AKR1C8: variants seen among roughly 807,000 people sequenced by gnomAD.
The protein encoded by AKR1C8 is aldo-keto reductase family 1 member C8, also known as aldo-keto reductase family 1 member C-like protein 1.
At chr10:5,162,800 A>C in the AKR1C8 span, 16 of 436,048 alleles carry the variant, frequency 3.7e-5, no homozygotes, top group Middle Eastern at 4.7e-3. Context: ...ATTTCAAAAT[A>C]ATATATCTGA....
the AKR1C8 span, among the ~76,000 whole-genome samples, chr10:5,178,698 G>C: frequency 0.79 from 119,576 of 152,082 alleles, 47,142 homozygotes; most frequent in African/African-American, 0.83. Context: ...GGATAGTTAG[G>C]TCTTCTTGTT....
chr10:5,158,402 C>T, the AKR1C8 span, among the ~76,000 whole-genome samples: 1 of 152,136 alleles, frequency 6.6e-6, no homozygotes, highest in Admixed American at 6.5e-5. Flanking sequence ...TAAGTAGTCA[C>T]ATAGATGAAA....
the AKR1C8 span, among the ~76,000 whole-genome samples, chr10:5,167,932 T>A: frequency 2.0e-5 from 3 of 152,116 alleles, no homozygotes; most frequent in Non-Finnish European, 2.9e-5. Context: ...CTTAGAAACC[T>A]AATATGCCAT....
At chr10:5,160,325 G>T in the AKR1C8 span, among the ~76,000 whole-genome samples, 1 of 152,030 alleles carries the variant, frequency 6.6e-6, no homozygotes, top group Non-Finnish European at 1.5e-5. Flanking sequence ...AAGCAAAGGA[G>T]ACTCTTGGGT....
the AKR1C8 span, among the ~76,000 whole-genome samples, chr10:5,148,777 C>G: frequency 1.3e-5 from 2 of 152,070 alleles, no homozygotes; most frequent in Non-Finnish European, 2.9e-5. Flanking sequence ...ACTCCATTAC[C>G]AAGCTTAACT....
chr10:5,179,974 T>C, the AKR1C8 span, among the ~76,000 whole-genome samples: 19 of 152,310 alleles, frequency 1.2e-4, no homozygotes, highest in African/African-American at 4.6e-4. Context: ...TCTCTCAACT[T>C]GTCAAAGTCA....
chr10:5,166,109 T>A, the AKR1C8 span, among the ~76,000 whole-genome samples: 1 of 151,978 alleles, frequency 6.6e-6, no homozygotes, highest in African/African-American at 2.4e-5. Context: ...CTTGTCTAGA[T>A]GAGTAACAAA....
At chr10:5,176,691 C>G in the AKR1C8 span, among the ~76,000 whole-genome samples, 19,397 of 152,118 alleles carry the variant, frequency 0.13, 1,497 homozygotes, top group Admixed American at 0.17. Flanking sequence ...AGAGGTCCTT[C>G]ACATCCCTTG....
the AKR1C8 span, chr10:5,160,856 C>T: frequency 6.4e-6 from 3 of 470,990 alleles, no homozygotes; most frequent in Middle Eastern, 3.2e-4. Context: ...ATAATCTCTC[C>T]ACTGGCATCC....
At chr10:5,137,504 G>C in the AKR1C8 span, among the ~76,000 whole-genome samples, 42 of 152,146 alleles carry the variant, frequency 2.8e-4, no homozygotes, top group African/African-American at 1.0e-3. Flanking sequence ...AAAATCACAT[G>C]ATTATCTCAA....
the AKR1C8 span, among the ~76,000 whole-genome samples, chr10:5,126,162 C>G: frequency 6.6e-6 from 1 of 152,132 alleles, no homozygotes; most frequent in South Asian, 2.1e-4. Context: ...AAGGGGTCTT[C>G]TTTCCCCCCT....
At chr10:5,166,331 T>A in the AKR1C8 span, among the ~76,000 whole-genome samples, 6 of 152,214 alleles carry the variant, frequency 3.9e-5, no homozygotes, top group South Asian at 1.2e-3. Flanking sequence ...CATTGCCAAG[T>A]CAATCCTAAG....
At chr10:5,165,191 G>A in the AKR1C8 span, among the ~76,000 whole-genome samples, 1 of 152,006 alleles carries the variant, frequency 6.6e-6, no homozygotes, top group Admixed American at 6.6e-5. Flanking sequence ...TCTCCATTTG[G>A]GTTGTCTTTC....
At chr10:5,125,044 AT>A in the AKR1C8 span, among the ~76,000 whole-genome samples, 59,104 of 151,322 alleles carry the variant, frequency 0.39, 12,309 homozygotes, top group Non-Finnish European at 0.43. Flanking sequence ...TCACAATTGG[AT>A]TTTTTTTTGT....
chr10:5,126,163 T>C, the AKR1C8 span, among the ~76,000 whole-genome samples: 2 of 152,126 alleles, frequency 1.3e-5, no homozygotes, highest in Non-Finnish European at 2.9e-5. Context: ...AGGGGTCTTC[T>C]TTCCCCCCTT....
the AKR1C8 span, among the ~76,000 whole-genome samples, chr10:5,174,596 G>C: frequency 6.6e-6 from 1 of 151,852 alleles, no homozygotes; most frequent in Non-Finnish European, 1.5e-5. Flanking sequence ...AACTATACTA[G>C]AAAAACTCAG....
the AKR1C8 span, among the ~76,000 whole-genome samples, chr10:5,144,406 T>G: frequency 1.3e-5 from 2 of 152,142 alleles, no homozygotes; most frequent in South Asian, 2.1e-4. Context: ...TCCAAATCTG[T>G]GAAGAAAGGC....
chr10:5,178,910 G>C, the AKR1C8 span, among the ~76,000 whole-genome samples: 1 of 152,152 alleles, frequency 6.6e-6, no homozygotes, highest in East Asian at 1.9e-4. Context: ...ACAGCACACT[G>C]ATGGGTCTTG....
chr10:5,132,656 T>C, the AKR1C8 span: 2 of 1,591,548 alleles, frequency 1.3e-6, no homozygotes, highest in African/African-American at 1.3e-5. Context: ...CAATCTTGCT[T>C]CAGATGGCCA....
Sources: gnomAD v4.1 joint callset for allele counts (sites outside exome capture counted in the v4.1 genomes callset) on GRCh38, gnomAD v4.1.1 for gene constraint, MANE v1.5 for transcripts, NCBI Gene and HGNC (gene_info 2026-07-23, HGNC 2026-07-21) for gene names.